Variants in ANKRD36 observed in about 807,000 individuals in gnomAD.
The protein encoded by ANKRD36 is ankyrin repeat domain 36.
In ANKRD36, 179 loss-of-function variants were observed where a neutral mutation model predicts 278.1. That is an observed-to-expected ratio of 0.64 (90% CI 0.57 to 0.73). The LOEUF (loss-of-function observed/expected upper bound fraction) is 0.73. ANKRD36 is among the 30% of genes least tolerant of loss of function. The pLI is 0.00. For missense variants in ANKRD36, 1,159 were observed against 1,956.7 expected, an observed-to-expected ratio of 0.59 and a Z score of 7.69; for synonymous variants, 320 against 641.1, an observed-to-expected ratio of 0.50 and a Z score of 7.57.
chr2:97,226,156 G>A, intron 67 of ANKRD36, among the ~76,000 whole-genome samples: 1 of 151,430 alleles, frequency 6.6e-6, no homozygotes, highest in Non-Finnish European at 1.5e-5. Context: ...GGGATGGCAG[G>A]GTCAAATGGT....
intron 22 of ANKRD36, among the ~76,000 whole-genome samples, chr2:97,174,094 T>G (rs1432965303): frequency 6.6e-6 from 1 of 151,166 alleles, no homozygotes; most frequent in Non-Finnish European, 1.5e-5. Context: ...AGAAAAGAAG[T>G]CTCTAGTGAT....
intron 17 of ANKRD36, among the ~76,000 whole-genome samples, chr2:97,161,236 C>A: frequency 6.6e-6 from 1 of 152,304 alleles, no homozygotes; most frequent in East Asian, 1.9e-4. Context: ...TTTCCTGACT[C>A]TTTGTAATCT....
rs1290578717 is a variant in ANKRD36, at chr2:97,219,171, C to T, written c.3805-3C>T. 27 of 1,557,044 alleles carry T rather than the reference C, an allele frequency of 1.7e-5. No individual in the cohort carries two copies. In the Middle Eastern group the frequency reaches 6.7e-4, roughly 38 times the overall value. On this transcript the variant is annotated splice_polypyrimidine_tract_variant and splice_region_variant and intron_variant, in intron 65 of 75. Coordinates refer to ENST00000420699, the MANE Select transcript of ANKRD36 (RefSeq NM_001354587.1). ...TAATCACTTTGTTTTAAAACCCATT[C>T]AGGCTACAATTGAAAATAAAAATTC...
In ANKRD36 at chr2:97,151,865, T is replaced by C. The variant is rs769440350; in HGVS notation, c.1102-14T>C. The C allele has an allele frequency of 3.0e-6, 4 of 1,323,508 alleles. No homozygotes were observed. Among genetic ancestry groups the C allele is most frequent in the South Asian group, 1.3e-5 (1 of 76,078 alleles). The allele number at this position is 1,323,508 out of a possible 1,614,324, so 82.0% of individuals were successfully genotyped here. On this transcript the variant is annotated splice_polypyrimidine_tract_variant and intron_variant, in intron 12 of 75. Transcript: ENST00000420699. ...CTCCATGTTATTCTTAAACCTATTGTGTTTTTCTTCTAGATTATTTCAAAA... is the reference window on the plus strand; with the variant it reads ...CTCCATGTTATTCTTAAACCTATTGCGTTTTTCTTCTAGATTATTTCAAAA...
Position 97,216,678 on chromosome 2 carries a change from A to G in ANKRD36, c.3674-499A>G, listed in dbSNP as rs554796021. On this transcript the variant is annotated intron_variant, in intron 62 of 75. Transcript: ENST00000420699. ...TCAATTTAGGACACTTCCACTGAAG[A>G]GACGTGAAGTGTACATTCAACTGAA... 7.8e-5 allele frequency: 22 copies of G among 280,758 alleles called. No homozygotes were observed. In the South Asian group the frequency reaches 1.1e-3, roughly 14 times the overall value. The allele number at this position is 280,758 out of a possible 1,614,324, so 17.4% of individuals were successfully genotyped here. A position where few individuals can be genotyped will look rare whatever the true frequency, so the allele number is the denominator to read the frequency against.
intron 22 of ANKRD36, among the ~76,000 whole-genome samples, chr2:97,171,740 CA>C (rs776400626): frequency 2.9e-5 from 4 of 137,914 alleles, no homozygotes; most frequent in Admixed American, 7.2e-5. Context: ...AAAACAAAAA[CA>C]AAAAAAACAA....
At chr2:97,202,292 T>G in intron 47 of ANKRD36, 29 bp from the exon 48 acceptor site, 1 of 1,597,074 alleles carries the variant, frequency 6.3e-7, no homozygotes, top group Non-Finnish European at 8.5e-7. Flanking sequence ...ACATACTTTA[T>G]TTATTATTTC....
intron 1 of ANKRD36, among the ~76,000 whole-genome samples, chr2:97,114,138 T>G (rs1574439439): frequency 1.5e-5 from 1 of 67,582 alleles, no homozygotes; most frequent in Admixed American, 1.7e-4. Flanking sequence ...TGGAGTGAGT[T>G]GGGGGATGGG....
chr2:97,182,828 T>A (rs966314363), intron 26 of ANKRD36, among the ~76,000 whole-genome samples: 1 of 151,694 alleles, frequency 6.6e-6, no homozygotes, highest in Non-Finnish European at 1.5e-5. Context: ...TTCTGTAGCC[T>A]AAACTAGAGG....
chr2:97,198,355 A>C (rs1249284428), intron 42 of ANKRD36, 108 bp from the exon 43 acceptor site: 123 of 1,538,920 alleles, frequency 8.0e-5, no homozygotes, highest in Non-Finnish European at 4.8e-5. Context: ...ATCAAAGCGT[A>C]CACTAATACA....
Position 97,192,859 on chromosome 2 carries a change from G to A in ANKRD36, c.2349G>A (p.Val783=). The A allele has an allele frequency of 6.2e-7, 1 of 1,603,262 alleles. No homozygotes were observed. Among genetic ancestry groups the A allele is most frequent in the Non-Finnish European group, 8.5e-7 (1 of 1,177,292 alleles). Residue 783 remains valine (V), a splice_region_variant and synonymous_variant, in exon 37 of 76, where the codon GTG becomes GTA. Coordinates refer to ENST00000420699, the MANE Select transcript of ANKRD36 (RefSeq NM_001354587.1). The part of the protein sequence containing the change: ...EIKDGEKSGT[V]SSQKPPALTA... ...TTATGTATCCCTTTTGCTTTTCAGT[G>A]TCTTCTCAGAAACCACCAGCCTTGA... is the stretch of plus-strand genomic sequence containing the variant.
chr2:97,115,561 G>A (rs62152979), intron 1 of ANKRD36, among the ~76,000 whole-genome samples: 266 of 145,096 alleles, frequency 1.8e-3, no homozygotes, highest in African/African-American at 5.5e-3. Flanking sequence ...TTTTTCAGAT[G>A]TTCAAGCAAC....
chr2:97,209,281 G>A (rs1412485623), intron 54 of ANKRD36, among the ~76,000 whole-genome samples: 1 of 146,430 alleles, frequency 6.8e-6, no homozygotes, highest in Non-Finnish European at 1.5e-5. Flanking sequence ...TAGTATAATG[G>A]TGTAAATCCT....
Position 97,113,766 on chromosome 2 carries a change from G to A in ANKRD36, c.27G>A (p.Trp9Ter). The A allele has an allele frequency of 6.2e-7, 1 of 1,612,774 alleles. No individual in the cohort carries two copies. Residue 9 changes from tryptophan to a stop codon, truncating the protein, a stop_gained, in exon 1 of 76, where the codon TGG becomes TGA. Coordinates refer to ENST00000420699, the MANE Select transcript of ANKRD36 (RefSeq NM_001354587.1). LOFTEE classifies it high-confidence loss of function. ...TGGAAGACGGCAAGCGGGAGAGGTGGCCCACCCTCATGGAGCGCTTGTGCT... is the reference window on the plus strand; with the variant it reads ...TGGAAGACGGCAAGCGGGAGAGGTGACCCACCCTCATGGAGCGCTTGTGCT... The part of the protein sequence containing the change: MEDGKRER[W>*]PTLMERLCSD...
intron 40 of ANKRD36, among the ~76,000 whole-genome samples, chr2:97,195,588 G>A (rs1211855387): frequency 2.6e-5 from 4 of 151,980 alleles, no homozygotes; most frequent in Non-Finnish European, 5.9e-5. Flanking sequence ...TTACTATTAG[G>A]CATCAGAGAT....
chr2:97,175,462 G>A lies in ANKRD36; in HGVS notation c.1634-4276G>A, dbSNP rs916801269. Among the ~76,000 whole-genome samples, 24 of 151,810 alleles carry A rather than the reference G, an allele frequency of 1.6e-4. 1 individual carries two copies. The highest frequency in any genetic ancestry group is 4.6e-4 in the Admixed American group (7 of 15,174). On this transcript the variant is annotated intron_variant, in intron 22 of 75. Coordinates refer to ENST00000420699, the MANE Select transcript of ANKRD36 (RefSeq NM_001354587.1). Reference sequence around the variant, plus strand: ...ATGGTAGTTTATTTCTGTGGGATCGGTGGTGATATCCCCTTTATCATTTTT... The same window carrying A: ...ATGGTAGTTTATTTCTGTGGGATCGATGGTGATATCCCCTTTATCATTTTT...
intron 36 of ANKRD36, among the ~76,000 whole-genome samples, chr2:97,191,405 G>C (rs922899706): frequency 6.6e-6 from 1 of 151,716 alleles, no homozygotes; most frequent in Non-Finnish European, 1.5e-5. Context: ...TTTGGAAGAA[G>C]AAATATGGAG....
chr2:97,142,657 C>T lies in ANKRD36; in HGVS notation c.817C>T (p.Pro273Ser). ...NSNPVSSQKQ[P>S]ALKATSGKED... is the part of the protein sequence containing the mutation. ...CTTTTCAGTGTCTTCTCAGAAACAACCAGCCTTGAAGGTAATTACACATTC... is the reference window on the plus strand; with the variant it reads ...CTTTTCAGTGTCTTCTCAGAAACAATCAGCCTTGAAGGTAATTACACATTC... The change falls in exon 7 of 76, where the codon CCA becomes TCA. Residue 273 changes from proline to serine, a missense_variant. Transcript: ENST00000420699. 2 of 1,437,516 alleles carry T rather than the reference C, an allele frequency of 1.4e-6. No individual in the cohort carries two copies. The highest frequency in any genetic ancestry group is 1.1e-5 in the South Asian group (1 of 87,618). 89.0% of individuals were successfully genotyped at this position (1,437,516 alleles called of 1,614,324 possible).
intron 24 of ANKRD36, among the ~76,000 whole-genome samples, chr2:97,180,142 T>C (rs547597425): frequency 6.6e-6 from 1 of 151,660 alleles, no homozygotes; most frequent in African/African-American, 2.4e-5. Flanking sequence ...CTTCCCTACA[T>C]TGAAATTGGG....
Sources: allele counts gnomAD v4.1 joint callset (sites outside exome capture counted in the v4.1 genomes callset), GRCh38; gene constraint gnomAD v4.1.1; transcripts MANE v1.5; gene names NCBI Gene and HGNC (gene_info 2026-07-23, HGNC 2026-07-21).